PCNX1: variants seen among roughly 807,000 people sequenced by gnomAD.
PCNX1 encodes the protein pecanex-like protein 1.
A neutral mutation model predicts 242.2 loss-of-function variants in PCNX1; 78 were observed. That is an observed-to-expected ratio of 0.32 (90% CI 0.27 to 0.39). The LOEUF is 0.39. Ranked by LOEUF, PCNX1 falls within the 10% of genes least tolerant of loss-of-function variation. The pLI, the probability that PCNX1 is intolerant of heterozygous loss-of-function variation, is 1.00. For synonymous variants in PCNX1, 1,024 were observed against 1,032.9 expected (o/e 0.99, Z 0.17); for missense variants, 2,581 against 2,856.5 (o/e 0.90, Z 2.20).
At chr14:71,013,813 C>T (rs1177153042) in intron 11 of PCNX1, among the ~76,000 whole-genome samples, 1 of 152,130 alleles carries the variant, frequency 6.6e-6, no homozygotes, top group Non-Finnish European at 1.5e-5. Flanking sequence ...TTCTAGGCTG[C>T]AAGACAGGGA....
intron 7 of PCNX1, among the ~76,000 whole-genome samples, chr14:70,994,670 C>T (rs1434050508): frequency 6.6e-6 from 1 of 151,232 alleles, no homozygotes; most frequent in Non-Finnish European, 1.5e-5. Context: ...AAACTTCAAT[C>T]GACAGATTGC....
chr14:71,024,688 T>G (rs1430896022), intron 13 of PCNX1, among the ~76,000 whole-genome samples: 1 of 152,172 alleles, frequency 6.6e-6, no homozygotes, highest in Non-Finnish European at 1.5e-5. Flanking sequence ...GTCTTCAAGG[T>G]GTCTGAAATT....
chr14:70,976,206 C>G (rs1194373676), intron 5 of PCNX1, among the ~76,000 whole-genome samples: 1 of 152,056 alleles, frequency 6.6e-6, no homozygotes, highest in African/African-American at 2.4e-5. Context: ...CTCAGTTATT[C>G]CTTGCCTGTG....
intron 33 of PCNX1, among the ~76,000 whole-genome samples, chr14:71,105,814 TACAGGCGTGAGCCA>T (rs1259265380): frequency 2.0e-5 from 3 of 151,586 alleles, no homozygotes; most frequent in Non-Finnish European, 4.4e-5. Context: ...GTGCTGGGAT[TACAGGCGTGAGCCA>T]CCACACCCAG....
chr14:70,995,711 A>G, intron 7 of PCNX1, 30 bp from the exon 8 acceptor site: 1 of 1,596,260 alleles, frequency 6.3e-7, no homozygotes, highest in Non-Finnish European at 8.6e-7. Flanking sequence ...TCTTCCCTGT[A>G]ATGTCTCCCC....
intron 16 of PCNX1, among the ~76,000 whole-genome samples, chr14:71,029,089 T>C (rs2060313364): frequency 6.6e-6 from 1 of 152,102 alleles, no homozygotes; most frequent in Non-Finnish European, 1.5e-5. Flanking sequence ...TTACAGAATA[T>C]GAAATCAATT....
At chr14:70,966,588 C>G (rs2058385692) in intron 3 of PCNX1, among the ~76,000 whole-genome samples, 1 of 152,192 alleles carries the variant, frequency 6.6e-6, no homozygotes, top group African/African-American at 2.4e-5. Context: ...ACACCTACCT[C>G]TAGACCAGGG....
chr14:71,004,132 T>C lies in PCNX1; in HGVS notation c.2630-5502T>C, dbSNP rs535653950. On this transcript the variant is annotated intron_variant, in intron 8 of 35. Coordinates refer to ENST00000304743, the MANE Select transcript of PCNX1 (RefSeq NM_014982.3). ...TGTGTTTATGTTCTGTATTGTCTTA[T>C]GCCTGCTTTCATGTTACAGTTGTAG... 3.9e-5 allele frequency among the ~76,000 whole-genome samples: 6 copies of C among 152,384 alleles called. No individual in the cohort carries two copies. In the East Asian group the frequency reaches 1.2e-3, roughly 29 times the overall value.
At chr14:71,074,890 T>A (rs2061674262) in intron 27 of PCNX1, among the ~76,000 whole-genome samples, 1 of 152,146 alleles carries the variant, frequency 6.6e-6, no homozygotes, top group Non-Finnish European at 1.5e-5. Context: ...GGTTGTCACT[T>A]AGGGGCTTCC....
chr14:70,908,136 GC>G, intron 1 of PCNX1, 133 bp downstream of exon 1: 1 of 762,140 alleles, frequency 1.3e-6, no homozygotes, highest in Non-Finnish European at 1.9e-6. Flanking sequence ...GAGGCTCCCC[GC>G]CCCCACTGCG....
intron 7 of PCNX1, among the ~76,000 whole-genome samples, chr14:70,995,321 C>T (rs529850491): frequency 6.6e-6 from 1 of 152,274 alleles, no homozygotes; most frequent in South Asian, 2.1e-4. Context: ...TTTGAAAGAA[C>T]AATTCTAGAG....
At position 71,057,661 on chromosome 14, in the gene PCNX1, G is replaced by T. The variant is rs1352693599; in HGVS notation, c.4789G>T (p.Val1597Leu). 13 of 1,613,810 alleles carry T rather than the reference G, an allele frequency of 8.1e-6. No homozygotes were observed. Among genetic ancestry groups the T allele is most frequent in the Non-Finnish European group, 1.0e-5 (12 of 1,179,872 alleles). The stretch of plus-strand genomic sequence containing the variant: ...TGCCTCTGACTATCTCAATGCATTA[G>T]TACACCTTATAGAGATAGGCAATGG... ...ILASDYLNAL[V>L]HLIEIGNGLV... is the part of the protein sequence containing the mutation. Residue 1597 changes from valine to leucine, a missense_variant, in exon 26 of 36, where the codon GTA (valine) becomes TTA (leucine). By Grantham distance (32) the Val-to-Leu change is conservative (BLOSUM62 1). Coordinates refer to ENST00000304743, the MANE Select transcript of PCNX1 (RefSeq NM_014982.3).
intron 28 of PCNX1, among the ~76,000 whole-genome samples, chr14:71,081,510 G>T (rs1279682102): frequency 1.3e-5 from 2 of 152,032 alleles, no homozygotes; most frequent in Non-Finnish European, 2.9e-5. Flanking sequence ...GGCTTTTTTT[G>T]GTTGGTAGGC....
At chr14:71,109,771 T>C (rs1457041872) in intron 35 of PCNX1, 24 bp from the exon 36 acceptor site, 1 of 1,613,074 alleles carries the variant, frequency 6.2e-7, no homozygotes, top group South Asian at 1.1e-5. Context: ...AGTGCTAACT[T>C]CTTGTTTTAT....
chr14:70,909,103 C>G (rs1011931996), intron 1 of PCNX1, among the ~76,000 whole-genome samples: 39 of 152,224 alleles, frequency 2.6e-4, no homozygotes, highest in African/African-American at 8.9e-4. Context: ...TCCCGGAGGA[C>G]CACTATGAGA....
At chr14:70,963,426 T>A (rs964233960) in intron 3 of PCNX1, among the ~76,000 whole-genome samples, 2 of 152,160 alleles carry the variant, frequency 1.3e-5, no homozygotes, top group African/African-American at 4.8e-5. Context: ...TAATAAAACA[T>A]TAGAGGTAGA....
intron 1 of PCNX1, among the ~76,000 whole-genome samples, chr14:70,920,757 T>G (rs1295028777): frequency 6.6e-6 from 1 of 152,148 alleles, no homozygotes; most frequent in Non-Finnish European, 1.5e-5. Context: ...TATTATAAGG[T>G]AGAATATGAC....
intron 11 of PCNX1, among the ~76,000 whole-genome samples, chr14:71,017,192 CTTAA>C (rs1349570376): frequency 2.0e-5 from 3 of 152,146 alleles, no homozygotes; most frequent in East Asian, 3.8e-4. Flanking sequence ...ACTACATGAC[CTTAA>C]TTGTCTTACA....
chr14:71,034,671 T>C (rs1001737505), intron 18 of PCNX1, among the ~76,000 whole-genome samples: 1 of 152,228 alleles, frequency 6.6e-6, no homozygotes, highest in African/African-American at 2.4e-5. Flanking sequence ...TTTTAGGTCA[T>C]TTTCCTTTGC....
Sources: allele counts gnomAD v4.1 joint callset (sites outside exome capture counted in the v4.1 genomes callset), GRCh38; gene constraint gnomAD v4.1.1; transcripts MANE v1.5; gene names NCBI Gene and HGNC (gene_info 2026-07-23, HGNC 2026-07-21).